Variants in ST7 observed in about 807,000 individuals in gnomAD.
The protein encoded by ST7 is suppressor of tumorigenicity 7 protein.
A neutral mutation model predicts 78.7 loss-of-function variants in ST7; 28 were observed. The ratio of observed to expected loss-of-function variants is 0.36; its 90% CI spans 0.26 to 0.49. ST7 has a LOEUF of 0.49. ST7 is among the 20% of genes least tolerant of loss of function. The pLI, the probability that ST7 is intolerant of heterozygous loss-of-function variation, is 0.99. For missense variants in ST7, 418 were observed against 696.0 expected (o/e 0.60, Z 4.49); for synonymous variants, 247 against 249.6 (o/e 0.99, Z 0.10).
chr7:117,207,547 A>G (rs1791891151), intron 12 of ST7, among the ~76,000 whole-genome samples: 1 of 152,214 alleles, frequency 6.6e-6, no homozygotes. Flanking sequence ...GAGTTCTTTC[A>G]TAGATGCTTA....
chr7:117,230,035 T>G lies in ST7; in HGVS notation c.*178T>G. 1.4e-6 allele frequency: 1 copy of G among 735,994 alleles called. No individual in the cohort carries two copies. 45.6% of individuals were successfully genotyped at this position (735,994 alleles called of 1,614,324 possible). ...TTTGTTGTACAAAATTCACTGATGTTCAGTTCTATTTTATTTTGCCTTCAG... is the reference window on the plus strand; with the variant it reads ...TTTGTTGTACAAAATTCACTGATGTGCAGTTCTATTTTATTTTGCCTTCAG... On this transcript the variant is annotated 3_prime_UTR_variant, in exon 16 of 16. Transcript: ENST00000323984.
intron 7 of ST7, 29 bp from the exon 8 acceptor site, chr7:117,136,052 T>C: frequency 6.2e-7 from 1 of 1,609,380 alleles, no homozygotes. Flanking sequence ...GGCTTTGTAA[T>C]TGATGGTGGC....
intron 2 of ST7, among the ~76,000 whole-genome samples, chr7:117,106,616 CTT>C (rs758855564): frequency 3.7e-5 from 4 of 107,748 alleles, no homozygotes; most frequent in African/African-American, 6.7e-5. Flanking sequence ...TTGTATCATT[CTT>C]TTTTTTTTTT....
At chr7:116,972,507 G>C in intron 1 of ST7, 1 of 1,015,086 alleles carries the variant, frequency 9.9e-7, no homozygotes, top group Admixed American at 1.8e-5. Context: ...CTCTTTCAAT[G>C]ATCACCAACT....
chr7:116,992,490 G>T (rs1794473907), intron 1 of ST7, among the ~76,000 whole-genome samples: 1 of 152,186 alleles, frequency 6.6e-6, no homozygotes, highest in Non-Finnish European at 1.5e-5. Flanking sequence ...GTCACGGCTG[G>T]AGCAGCTGGG....
At chr7:117,081,943 G>T (rs1799813820) in intron 1 of ST7, among the ~76,000 whole-genome samples, 1 of 152,060 alleles carries the variant, frequency 6.6e-6, no homozygotes, top group Admixed American at 6.6e-5. Context: ...GATTTTGGGG[G>T]CTGGCTAGGC....
intron 10 of ST7, among the ~76,000 whole-genome samples, chr7:117,171,272 G>A (rs1486561606): frequency 6.6e-6 from 1 of 152,064 alleles, no homozygotes; most frequent in East Asian, 1.9e-4. Flanking sequence ...CTGCGGTCAG[G>A]AATCACCCAG....
At chr7:117,131,307 G>C (rs1804331868) in intron 5 of ST7, among the ~76,000 whole-genome samples, 2 of 151,754 alleles carry the variant, frequency 1.3e-5, no homozygotes, top group South Asian at 4.2e-4. Context: ...AAACATCATG[G>C]TACAGTAAAT....
At chr7:117,047,394 G>C (rs1168023242) in intron 1 of ST7, among the ~76,000 whole-genome samples, 25 of 152,188 alleles carry the variant, frequency 1.6e-4, no homozygotes, top group Admixed American at 1.6e-3. Context: ...GAGATGGATT[G>C]TTTTACGAAA....
At chr7:117,136,307 G>C (rs1452898111) in intron 8 of ST7, 72 bp downstream of exon 8, 1 of 1,576,324 alleles carries the variant, frequency 6.3e-7, no homozygotes, top group South Asian at 1.1e-5. Context: ...CAAATTTTTA[G>C]TCCAGTTCAA....
chr7:117,024,691 C>T (rs1417323068), intron 1 of ST7, among the ~76,000 whole-genome samples: 1 of 152,080 alleles, frequency 6.6e-6, no homozygotes, highest in Non-Finnish European at 1.5e-5. Context: ...TAGTAGGATC[C>T]CCCAACCTGA....
intron 10 of ST7, among the ~76,000 whole-genome samples, chr7:117,178,004 T>G (rs552884592): frequency 6.6e-6 from 1 of 152,308 alleles, no homozygotes; most frequent in Admixed American, 6.5e-5. Context: ...CATTTTTGTT[T>G]GTTTGTTTGG....
intron 1 of ST7, among the ~76,000 whole-genome samples, chr7:117,078,786 T>G (rs1427136353): frequency 2.6e-5 from 4 of 152,186 alleles, no homozygotes; most frequent in African/African-American, 7.2e-5. Flanking sequence ...TTGGTTGGGG[T>G]GAATTCTCTT....
At chr7:117,022,246 A>G (rs969150316) in intron 1 of ST7, among the ~76,000 whole-genome samples, 3 of 152,216 alleles carry the variant, frequency 2.0e-5, no homozygotes, top group Admixed American at 1.3e-4. Context: ...ATCCTTCAGA[A>G]GACAGAATAC....
intron 9 of ST7, among the ~76,000 whole-genome samples, chr7:117,151,404 G>A (rs1332594410): frequency 6.6e-6 from 1 of 152,116 alleles, no homozygotes; most frequent in African/African-American, 2.4e-5. Context: ...CTTTGCACAG[G>A]AATAGACTGA....
intron 1 of ST7, chr7:117,090,882 G>A (rs1240634011): frequency 1.2e-5 from 2 of 167,044 alleles, no homozygotes; most frequent in Admixed American, 6.5e-5. Flanking sequence ...TGATATCAGG[G>A]AAGGTTGACA....
chr7:117,118,405 A>G (rs1803072741), intron 2 of ST7: 3 of 152,252 alleles, frequency 2.0e-5, no homozygotes. Context: ...CGTTTGATTA[A>G]TACTTCCTTC....
At chr7:117,228,816 A>T (rs1231309561) in intron 15 of ST7, among the ~76,000 whole-genome samples, 1 of 152,144 alleles carries the variant, frequency 6.6e-6, no homozygotes, top group East Asian at 1.9e-4. Context: ...TGTGTAATGG[A>T]CAAGGGCTTA....
chr7:117,219,028 TGGGAAG>T lies in ST7; in HGVS notation c.1406-55_1406-50del. Reference sequence around the variant, plus strand: ...ATGCTCAAACGCCCCTTTTTGCAGTTGGGAAGTTATGACACAAACATTGGACATCTC... The same window carrying T: ...ATGCTCAAACGCCCCTTTTTGCAGTTTTATGACACAAACATTGGACATCTC... On this transcript the variant is annotated intron_variant, in intron 13 of 15. Coordinates refer to ENST00000323984, the MANE Select transcript of ST7 (RefSeq NM_001369598.1). The surrounding 1 kb of genome is among the most constrained non-coding windows in gnomAD (Gnocchi z 5.1). 2.1e-6 allele frequency: 3 copies of T among 1,449,546 alleles called. No individual in the cohort carries two copies. The highest frequency in any genetic ancestry group is 1.2e-5 in the South Asian group (1 of 82,068). The allele number at this position is 1,449,546 out of a possible 1,614,324, so 89.8% of individuals were successfully genotyped here. A position where few individuals can be genotyped will look rare whatever the true frequency, so the allele number is the denominator to read the frequency against.
Sources: allele counts gnomAD v4.1 joint callset (sites outside exome capture counted in the v4.1 genomes callset), GRCh38; gene constraint gnomAD v4.1.1; non-coding constraint Gnocchi (gnomAD v3.1); transcripts MANE v1.5; gene names NCBI Gene and HGNC (gene_info 2026-07-23, HGNC 2026-07-21).